The following BCCIP variants were observed in gnomAD, a reference collection of about 807,000 sequenced individuals.
BCCIP encodes BRCA2 and CDKN1A interacting protein, also known as BRCA2 and CDKN1A-interacting protein.
BCCIP carries 23 observed loss-of-function variants against 32.8 expected under a neutral mutation model. The observed-to-expected ratio is 0.70, with a 90% CI of 0.51 to 0.99. The LOEUF (loss-of-function observed/expected upper bound fraction) is 0.99. BCCIP is among the 50% of genes least tolerant of loss of function. The probability of loss-of-function intolerance (pLI) is 0.00; values close to 1 mark genes in which losing one functional copy is unlikely to be tolerated. For synonymous variants in BCCIP, 144 were observed against 137.6 expected (o/e 1.05, Z -0.33); for missense variants, 378 against 379.8 (o/e 1.00, Z 0.04).
intron 3 of BCCIP, among the ~76,000 whole-genome samples, chr10:125,829,333 C>G (rs1854473310): frequency 1.3e-5 from 2 of 152,342 alleles, no homozygotes; most frequent in Admixed American, 6.5e-5. Context: ...GTAGCTGTCA[C>G]TGTTGATGTC....
At chr10:125,846,792 A>G (rs540721407), downstream of BCCIP, among the ~76,000 whole-genome samples, 2 of 152,282 alleles carry the variant, frequency 1.3e-5, no homozygotes, top group Middle Eastern at 3.4e-3. Flanking sequence ...AATAGAATCA[A>G]TGGCTCCCTT....
chr10:125,827,551 CT>C lies in BCCIP; in HGVS notation c.241-3del, dbSNP rs1854427287. The C allele has an allele frequency of 4.4e-6, 7 of 1,591,384 alleles. No homozygotes were observed. The highest frequency in any genetic ancestry group is 6.0e-6 in the Non-Finnish European group (7 of 1,163,612). ...CTTAATTTAAAATAATTTTTTCCTC[CT>C]TTTAGCTTTTTCTAAAGGCTCCTGT... On this transcript the variant is annotated splice_region_variant and splice_polypyrimidine_tract_variant and intron_variant, in intron 2 of 6. Coordinates refer to ENST00000278100, the MANE Select transcript of BCCIP (RefSeq NM_078468.3).
downstream of BCCIP, chr10:125,836,740 G>C: frequency 6.2e-7 from 1 of 1,614,146 alleles, no homozygotes; most frequent in South Asian, 1.1e-5. Flanking sequence ...CACATTTGCT[G>C]TTCCTTATTC....
chr10:125,853,225 T>C (rs748760481), exon 8 of BCCIP: 1 of 1,610,272 alleles, frequency 6.2e-7, no homozygotes, highest in South Asian at 1.1e-5. Flanking sequence ...TCATGACTGT[T>C]GGAATTGCTC....
At chr10:125,840,158 T>C (rs1854831818), downstream of BCCIP, among the ~76,000 whole-genome samples, 1 of 152,228 alleles carries the variant, frequency 6.6e-6, no homozygotes, top group Non-Finnish European at 1.5e-5. Context: ...TATGGGTGGC[T>C]CTAGCCTCTG....
chr10:125,838,990 C>T (rs781107173), downstream of BCCIP: 5 of 1,611,230 alleles, frequency 3.1e-6, no homozygotes, highest in Middle Eastern at 1.7e-4. Context: ...GGTGACCCCA[C>T]CCCTTCTCAC....
chr10:125,838,857 C>T (rs2134022149), downstream of BCCIP: 2 of 994,530 alleles, frequency 2.0e-6, no homozygotes, highest in South Asian at 3.3e-5. Context: ...GGGAAGGATA[C>T]TTAAGTACCA....
chr10:125,840,790 G>A, downstream of BCCIP: 1 of 1,511,056 alleles, frequency 6.6e-7, no homozygotes, highest in African/African-American at 1.4e-5. Flanking sequence ...TAAGGACTCA[G>A]ACTTATCTAG....
At chr10:125,835,155 G>T (rs576289016) in intron 6 of BCCIP, among the ~76,000 whole-genome samples, 590 of 151,570 alleles carry the variant, frequency 3.9e-3, no homozygotes, top group Middle Eastern at 6.8e-3. Flanking sequence ...ATCTTGAAGT[G>T]TATCTCTGAG....
In BCCIP at chr10:125,823,602, G is replaced by C. The variant is rs878902048; in HGVS notation, c.45G>C (p.Pro15=). The C allele has an allele frequency of 6.2e-7, 1 of 1,614,050 alleles. No homozygotes were observed. Among genetic ancestry groups the C allele is most frequent in the South Asian group, 1.1e-5 (1 of 91,074 alleles). The change falls in exon 1 of 7, where the codon CCG becomes CCC. Residue 15 remains proline, a synonymous_variant. Coordinates refer to ENST00000278100, the MANE Select transcript of BCCIP (RefSeq NM_078468.3). ...GGCGTGCCGTGGAAAGTGGGGTTCC[G>C]CAGCCGCCGGATCCCCCAGTCCAGC... is the stretch of plus-strand genomic sequence containing the variant. The part of the protein sequence containing the change: ...SKRRAVESGV[P]QPPDPPVQRD...
chr10:125,848,156 CAG>C (rs1944048268), intron 7 of BCCIP, among the ~76,000 whole-genome samples: 1 of 152,056 alleles, frequency 6.6e-6, no homozygotes, highest in Non-Finnish European at 1.5e-5. Context: ...AAAGAGTCCA[CAG>C]GGGGAGAAAC....
intron 7 of BCCIP, among the ~76,000 whole-genome samples, chr10:125,848,428 T>G (rs1944051162): frequency 6.6e-6 from 1 of 152,220 alleles, no homozygotes; most frequent in Admixed American, 6.5e-5. Flanking sequence ...ACCCTAATTT[T>G]ACAGATGAGA....
rs1854499652 is a variant in BCCIP at position 125,830,599 on chromosome 10, A to G, written c.359A>G (p.Asp120Gly). Reference sequence around the variant, plus strand: ...TCAGAAGACAGCAATGATGATATGGATGAAGATGAGGTTTTTGGTTTCATA... The same window carrying G: ...TCAGAAGACAGCAATGATGATATGGGTGAAGATGAGGTTTTTGGTTTCATA... ...DVSEDSNDDM[D>G]EDEVFGFISL... Residue 120 changes from aspartate to glycine, a missense_variant, in exon 4 of 7, where the codon GAT (aspartate) becomes GGT (glycine). Asp to Gly is a moderately conservative substitution (Grantham distance 94, BLOSUM62 -1). Coordinates refer to ENST00000278100, the MANE Select transcript of BCCIP (RefSeq NM_078468.3). The G allele has an allele frequency of 3.1e-6, 5 of 1,608,990 alleles. No individual in the cohort carries two copies. Among genetic ancestry groups the G allele is most frequent in the Non-Finnish European group, 4.2e-6 (5 of 1,177,658 alleles).
chr10:125,828,676 T>C (rs958002830), intron 3 of BCCIP, among the ~76,000 whole-genome samples: 5 of 152,212 alleles, frequency 3.3e-5, no homozygotes, highest in Non-Finnish European at 7.3e-5. Flanking sequence ...GTTCTTTGGG[T>C]TATCTGTTGT....
chr10:125,826,892 C>T (rs893591010), intron 2 of BCCIP, among the ~76,000 whole-genome samples: 7 of 151,156 alleles, frequency 4.6e-5, no homozygotes, highest in African/African-American at 1.5e-4. Flanking sequence ...CCTAACTCCT[C>T]AGGAGGCTGA....
intron 1 of BCCIP, 77 bp downstream of exon 1, chr10:125,823,799 TG>T (rs1854255453): frequency 6.4e-7 from 1 of 1,568,520 alleles, no homozygotes; most frequent in East Asian, 2.2e-5. Flanking sequence ...GTAAAAATAG[TG>T]TAGGGTCTTC....
intron 5 of BCCIP, among the ~76,000 whole-genome samples, chr10:125,832,469 G>A (rs932596134): frequency 4.6e-5 from 7 of 152,054 alleles, no homozygotes; most frequent in Non-Finnish European, 7.4e-5. Flanking sequence ...CTAGGGATTC[G>A]ATGCTTCTTA....
At chr10:125,848,376 G>A (rs1239678768) in intron 7 of BCCIP, among the ~76,000 whole-genome samples, 1 of 152,132 alleles carries the variant, frequency 6.6e-6, no homozygotes, top group Non-Finnish European at 1.5e-5. Context: ...CATCTCATTT[G>A]TACCTCTAAA....
At chr10:125,828,820 G>C (rs1447787277) in intron 3 of BCCIP, among the ~76,000 whole-genome samples, 1 of 152,152 alleles carries the variant, frequency 6.6e-6, no homozygotes, top group African/African-American at 2.4e-5. Context: ...TGTTAGCTGG[G>C]GTGGCTTGAC....
Sources: allele counts gnomAD v4.1 joint callset (sites outside exome capture counted in the v4.1 genomes callset), GRCh38; gene constraint gnomAD v4.1.1; transcripts MANE v1.5; gene names NCBI Gene and HGNC (gene_info 2026-07-23, HGNC 2026-07-21).